Variants in CLIC5 observed in about 807,000 individuals in gnomAD.
The protein encoded by CLIC5 is CLIC family member 5.
CLIC5 carries 20 observed loss-of-function variants against 24.7 expected under a neutral mutation model. The observed-to-expected ratio is 0.81, with a 90% CI of 0.57 to 1.18. CLIC5 has a LOEUF of 1.18. CLIC5 is among the 50% of genes most tolerant of loss of function. CLIC5 has a pLI of 0.00. For synonymous variants in CLIC5, 159 were observed against 135.6 expected, an observed-to-expected ratio of 1.17 and a Z score of -1.20; for missense variants, 341 against 326.1, an observed-to-expected ratio of 1.05 and a Z score of -0.35.
chr6:46,121,031 C>T, the CLIC5 span, among the ~76,000 whole-genome samples: 1 of 152,248 alleles, frequency 6.6e-6, no homozygotes, highest in South Asian at 2.1e-4. Flanking sequence ...AGGAGAACTT[C>T]CCCAATCTAG....
intron 2 of CLIC5, among the ~76,000 whole-genome samples, chr6:45,954,301 G>T (rs1420477953): frequency 1.4e-5 from 2 of 147,360 alleles, no homozygotes; most frequent in African/African-American, 2.5e-5. Flanking sequence ...AGAAAGAAAA[G>T]AAAATAGAAG....
chr6:45,938,223 G>T (rs990227244), intron 4 of CLIC5, among the ~76,000 whole-genome samples: 1 of 152,254 alleles, frequency 6.6e-6, no homozygotes, highest in African/African-American at 2.4e-5. Flanking sequence ...AGCTCACACA[G>T]AGCAGAAAGG....
At position 46,079,397 on chromosome 6, in the gene CLIC5, C is replaced by T. The variant is rs9369596; in HGVS notation, c.540+306G>A. Among the ~76,000 whole-genome samples the T allele has an allele frequency of 0.18, 26,670 of 152,110 alleles. 2,597 individuals carry two copies. Among genetic ancestry groups the T allele is most frequent in the South Asian group, 0.34 (1,646 of 4,828 alleles). ...GACAGAAAAATGTACTTAATGTCAG[C>T]CACAATGGCAAGGATTTGGGCAGCA... On this transcript the variant is annotated intron_variant, in intron 1 of 5. Coordinates refer to the CLIC5 transcript ENST00000185206.
intron 1 of CLIC5, among the ~76,000 whole-genome samples, chr6:46,023,278 T>TA (rs1767236240): frequency 6.6e-6 from 1 of 152,184 alleles, no homozygotes; most frequent in African/African-American, 2.4e-5. Flanking sequence ...CTGAAGTCCT[T>TA]ATTAGCTCAC....
At chr6:46,010,681 A>C (rs1433162132) in intron 1 of CLIC5, among the ~76,000 whole-genome samples, 1 of 152,220 alleles carries the variant, frequency 6.6e-6, no homozygotes, top group Non-Finnish European at 1.5e-5. Context: ...CTGCAGACCC[A>C]GTCCTCATTC....
At chr6:45,969,141 A>T (rs1350932005) in intron 1 of CLIC5, among the ~76,000 whole-genome samples, 1 of 152,214 alleles carries the variant, frequency 6.6e-6, no homozygotes, top group African/African-American at 2.4e-5. Context: ...CTCTCCCAGC[A>T]CCATGCATGG....
intron 1 of CLIC5, among the ~76,000 whole-genome samples, chr6:45,999,008 T>A (rs894081476): frequency 4.3e-4 from 66 of 152,174 alleles, no homozygotes; most frequent in African/African-American, 1.5e-3. Flanking sequence ...CAGAGGACAT[T>A]TGCTGACCTC....
At chr6:46,106,549 C>A in the CLIC5 span, among the ~76,000 whole-genome samples, 1 of 152,136 alleles carries the variant, frequency 6.6e-6, no homozygotes, top group Non-Finnish European at 1.5e-5. Context: ...GTCAGTGGTC[C>A]AGTTGAAGAA....
rs1246596932 is a variant in CLIC5, at chr6:45,923,187, C to G, written c.407-8778G>C. The stretch of plus-strand genomic sequence containing the variant: ...AGTTTATGTGGCCAAATGAATCAGG[C>G]TGAAATCTGTGAGTTTTTTTATGGT... On this transcript the variant is annotated intron_variant, in intron 4 of 5. Transcript: ENST00000339561. Among the ~76,000 whole-genome samples the G allele has an allele frequency of 3.9e-5, 6 of 152,282 alleles. No homozygotes were observed. In the South Asian group the frequency reaches 1.2e-3, roughly 32 times the overall value.
chr6:45,985,990 C>A (rs1347504315), intron 1 of CLIC5, among the ~76,000 whole-genome samples: 1 of 152,058 alleles, frequency 6.6e-6, no homozygotes, highest in Admixed American at 6.6e-5. Flanking sequence ...CTTAGGATAT[C>A]TGATAGTTTT....
At chr6:45,997,644 A>T (rs1229030939) in intron 1 of CLIC5, among the ~76,000 whole-genome samples, 2 of 152,240 alleles carry the variant, frequency 1.3e-5, no homozygotes, top group African/African-American at 4.8e-5. Flanking sequence ...TAACAAAATC[A>T]GTTAAAAATA....
chr6:46,012,092 T>A (rs755553020), intron 1 of CLIC5, among the ~76,000 whole-genome samples: 1 of 152,222 alleles, frequency 6.6e-6, no homozygotes, highest in South Asian at 2.1e-4. Context: ...TGACCACACA[T>A]CCTTATTTGC....
At chr6:46,087,094 C>A in the CLIC5 span, among the ~76,000 whole-genome samples, 2 of 152,192 alleles carry the variant, frequency 1.3e-5, no homozygotes. Flanking sequence ...TTTCACCATA[C>A]TTTCTTGCTT....
rs866489339 is a variant in CLIC5, at chr6:45,996,854, A to G, written c.63+18626T>C. On this transcript the variant is annotated intron_variant, in intron 1 of 5. Transcript: ENST00000339561. Reference sequence around the variant, plus strand: ...GCAATCATTAAAAAGTCAGGAAACAACAGGTGCTGGAGAGGATGTGGAGAA... The same window carrying G: ...GCAATCATTAAAAAGTCAGGAAACAGCAGGTGCTGGAGAGGATGTGGAGAA... 2.0e-3 allele frequency among the ~76,000 whole-genome samples: 299 copies of G among 151,896 alleles called. 2 individuals carry two copies. The highest frequency in any genetic ancestry group is 0.019 in the South Asian group (89 of 4,760).
intron 2 of CLIC5, among the ~76,000 whole-genome samples, chr6:45,954,651 A>G (rs1309791089): frequency 6.6e-6 from 1 of 152,212 alleles, no homozygotes; most frequent in East Asian, 1.9e-4. Context: ...AAAACAGAAC[A>G]GTAGTTGCTT....
At chr6:45,903,307 T>C (rs771269822) in intron 5 of CLIC5, 52 bp from the exon 6 acceptor site, 3 of 1,506,342 alleles carry the variant, frequency 2.0e-6, no homozygotes, top group South Asian at 2.6e-5. Flanking sequence ...AAACAAATCA[T>C]TAGAAAGTGT....
intron 1 of CLIC5, among the ~76,000 whole-genome samples, chr6:45,986,699 G>A (rs776778939): frequency 1.4e-4 from 21 of 152,228 alleles, no homozygotes; most frequent in Non-Finnish European, 2.9e-4. Context: ...ATGAAGTTAT[G>A]AAGTCCTGTT....
chr6:46,107,941 G>C, the CLIC5 span, among the ~76,000 whole-genome samples: 3 of 150,394 alleles, frequency 2.0e-5, no homozygotes, highest in Non-Finnish European at 2.9e-5. Flanking sequence ...GGCTGAGGCA[G>C]GAGAATTGCT....
chr6:46,088,787 C>T, the CLIC5 span, among the ~76,000 whole-genome samples: 4 of 152,088 alleles, frequency 2.6e-5, no homozygotes, highest in Non-Finnish European at 1.5e-5. Context: ...TCAAAGATAT[C>T]TTTCTTTATT....
Sources: allele counts gnomAD v4.1 joint callset (sites outside exome capture counted in the v4.1 genomes callset), GRCh38; gene constraint gnomAD v4.1.1; transcripts MANE v1.5; gene names NCBI Gene and HGNC (gene_info 2026-07-23, HGNC 2026-07-21).